The following ZNF722 variants were observed in gnomAD, a reference collection of about 807,000 sequenced individuals.
The protein encoded by ZNF722 is zinc finger protein 722.
the ZNF722 span, among the ~76,000 whole-genome samples, chr7:64,010,845 G>A: frequency 6.6e-6 from 1 of 152,116 alleles, no homozygotes; most frequent in Non-Finnish European, 1.5e-5. Flanking sequence ...ACAGTGGGGT[G>A]TTAAAGTCTC....
the ZNF722 span, among the ~76,000 whole-genome samples, chr7:64,002,782 T>TA: frequency 6.6e-6 from 1 of 152,202 alleles, no homozygotes; most frequent in South Asian, 2.1e-4. Context: ...AGAGCAGACT[T>TA]ACTCAGATAT....
chr7:64,009,948 A>G, the ZNF722 span, among the ~76,000 whole-genome samples: 7 of 152,072 alleles, frequency 4.6e-5, no homozygotes, highest in Non-Finnish European at 1.0e-4. Context: ...CAGGGATTCA[A>G]CTTCTTCTTG....
chr7:64,005,723 A>C, the ZNF722 span: 4 of 1,575,718 alleles, frequency 2.5e-6, no homozygotes, highest in Admixed American at 1.8e-5. Flanking sequence ...GAACTACAGA[A>C]ACCTGGTCTC....
At chr7:64,003,581 T>G in the ZNF722 span, among the ~76,000 whole-genome samples, 1 of 152,326 alleles carries the variant, frequency 6.6e-6, no homozygotes, top group African/African-American at 2.4e-5. Context: ...CTTGCAAATT[T>G]TTACTTCTGT....
chr7:64,002,336 A>C, the ZNF722 span, among the ~76,000 whole-genome samples: 2 of 152,102 alleles, frequency 1.3e-5, no homozygotes, highest in East Asian at 3.9e-4. Context: ...TTTGATGTGG[A>C]TGTTTAGTGA....
the ZNF722 span, chr7:64,005,799 T>G: frequency 1.2e-5 from 16 of 1,367,958 alleles, no homozygotes; most frequent in East Asian, 3.8e-4. Flanking sequence ...TCTAAGATGA[T>G]TTTGGTAATT....
At chr7:64,015,698 C>A in the ZNF722 span, 4 of 1,613,540 alleles carry the variant, frequency 2.5e-6, no homozygotes, top group Non-Finnish European at 3.4e-6. Context: ...TATCCTCAAC[C>A]CTCAATGACC....
At chr7:64,006,440 C>T in the ZNF722 span, 14 of 686,438 alleles carry the variant, frequency 2.0e-5, no homozygotes, top group East Asian at 9.5e-5. Flanking sequence ...CTGAGAGGCT[C>T]GAGTCATTTT....
chr7:64,010,002 T>C, the ZNF722 span, among the ~76,000 whole-genome samples: 1 of 152,206 alleles, frequency 6.6e-6, no homozygotes, highest in Admixed American at 6.5e-5. Flanking sequence ...TTTATCCATT[T>C]CTTCTAGATT....
the ZNF722 span, chr7:64,015,192 A>G: frequency 1.5e-6 from 2 of 1,306,346 alleles, no homozygotes; most frequent in East Asian, 2.3e-5. Flanking sequence ...AGGAGGTTAT[A>G]ATGAAGTTAA....
chr7:64,006,843 A>G, the ZNF722 span, among the ~76,000 whole-genome samples: 1 of 151,396 alleles, frequency 6.6e-6, no homozygotes, highest in Non-Finnish European at 1.5e-5. Context: ...GTATTTATTT[A>G]TTTATTTAGA....
the ZNF722 span, among the ~76,000 whole-genome samples, chr7:64,000,625 AT>A: frequency 2.0e-5 from 3 of 147,088 alleles, no homozygotes; most frequent in Non-Finnish European, 3.0e-5. Flanking sequence ...TGACATTTTT[AT>A]TTTTAGTAGA....
chr7:64,006,342 G>T, the ZNF722 span: 1 of 1,244,814 alleles, frequency 8.0e-7, no homozygotes, highest in Admixed American at 2.2e-5. Context: ...GAATGAAGCA[G>T]ATGACACAGA....
chr7:64,000,787 G>A, the ZNF722 span, among the ~76,000 whole-genome samples: 401 of 150,806 alleles, frequency 2.7e-3, 1 homozygote, highest in Admixed American at 4.4e-3. Context: ...TTGGCGGGGG[G>A]AGCGGGAGCA....
At chr7:64,003,736 C>T in the ZNF722 span, among the ~76,000 whole-genome samples, 3 of 152,132 alleles carry the variant, frequency 2.0e-5, no homozygotes, top group Admixed American at 2.0e-4. Flanking sequence ...GTATACCATG[C>T]AGAATTCTCA....
At chr7:64,013,604 T>C in the ZNF722 span, among the ~76,000 whole-genome samples, 2 of 152,242 alleles carry the variant, frequency 1.3e-5, no homozygotes, top group African/African-American at 4.8e-5. Flanking sequence ...TAATTGTATA[T>C]TTTTATGTTT....
the ZNF722 span, among the ~76,000 whole-genome samples, chr7:64,016,650 TA>T: frequency 6.6e-6 from 1 of 152,112 alleles, no homozygotes; most frequent in Non-Finnish European, 1.5e-5. Flanking sequence ...CAAACCTGAA[TA>T]AATGTAAGAT....
the ZNF722 span, among the ~76,000 whole-genome samples, chr7:64,013,800 C>T: frequency 6.6e-6 from 1 of 152,032 alleles, no homozygotes; most frequent in Admixed American, 6.6e-5. Flanking sequence ...CTCTTTTCAG[C>T]ATTTTATTTA....
chr7:64,005,231 G>A, the ZNF722 span, among the ~76,000 whole-genome samples: 2 of 152,052 alleles, frequency 1.3e-5, no homozygotes, highest in African/African-American at 4.8e-5. Context: ...CCCGGGAGGT[G>A]GAGGTTGCAC....
Sources: allele counts gnomAD v4.1 joint callset (sites outside exome capture counted in the v4.1 genomes callset), GRCh38; gene constraint gnomAD v4.1.1; transcripts MANE v1.5; gene names NCBI Gene and HGNC (gene_info 2026-07-23, HGNC 2026-07-21).